VPS9D1: variants seen among roughly 807,000 people sequenced by gnomAD.
VPS9D1 encodes the protein VPS9 domain containing 1.
A neutral mutation model predicts 75.8 loss-of-function variants in VPS9D1; 78 were observed. That is an observed-to-expected ratio of 1.03 (90% CI 0.86 to 1.24). The LOEUF (loss-of-function observed/expected upper bound fraction) is 1.24. VPS9D1 is among the 50% of genes most tolerant of loss of function. VPS9D1 has a pLI of 0.00. For missense variants in VPS9D1, 1,057 were observed against 847.7 expected, an observed-to-expected ratio of 1.25 and a Z score of -3.07; for synonymous variants, 481 against 385.6, an observed-to-expected ratio of 1.25 and a Z score of -2.90.
rs1597902156 is a variant in VPS9D1 at position 89,709,220 on chromosome 16, T to G, written c.1597+7A>C. On this transcript the variant is annotated splice_region_variant and intron_variant, in intron 12 of 14. Coordinates refer to ENST00000389386, the MANE Select transcript of VPS9D1 (RefSeq NM_004913.3). ...TGTCCCTCCCCCTGACTCTCGAACC[T>G]GCTGACCTATGCACTCCAGCTTCTT... 3 of 1,611,938 alleles carry G rather than the reference T, an allele frequency of 1.9e-6. No individual in the cohort carries two copies. The East Asian group carries it at 6.7e-5, about 36-fold the overall frequency.
chr16:89,709,366 G>T lies in VPS9D1; in HGVS notation c.1458C>A (p.Thr486=). ...SMELYRNAPP[T]AIGIPTKLLP... is the part of the protein sequence containing the mutation. ...GGAGCTTGGTGGGGATGCCAATGGC[G>T]GTGGGGGGTGCATTCCTGTAGAGCT... The change falls in exon 12 of 15, where the codon ACC becomes ACA. Residue 486 remains threonine, a synonymous_variant. Transcript: ENST00000389386. 1 of 1,572,984 alleles carries T rather than the reference G, an allele frequency of 6.4e-7. No individual in the cohort carries two copies.
intron 8 of VPS9D1, chr16:89,711,625 C>G (rs2060924813): frequency 3.0e-6 from 2 of 657,382 alleles, no homozygotes; most frequent in Admixed American, 3.0e-5. Context: ...CGCTGGGACC[C>G]TCCCTCCTCG....
rs552192750 is a variant in VPS9D1 at position 89,710,526 on chromosome 16, C to T, written c.1258+60G>A. The T allele has an allele frequency of 1.3e-4, 201 of 1,512,766 alleles. 1 individual carries two copies. In the East Asian group the frequency reaches 4.5e-3, roughly 34 times the overall value. 93.7% of individuals were successfully genotyped at this position (1,512,766 alleles called of 1,614,324 possible). A position where few individuals can be genotyped will look rare whatever the true frequency, so the allele number is the denominator to read the frequency against. ...CCCTTCCCCAAACAGAAGCTTGAAA[C>T]GGACCAATAAGCAGGGGTGAAGAGC... On this transcript the variant is annotated intron_variant, in intron 10 of 14. Coordinates refer to ENST00000389386, the MANE Select transcript of VPS9D1 (RefSeq NM_004913.3).
At position 89,719,164 on chromosome 16, in the gene VPS9D1, CG is replaced by C. The variant is rs768985683; in HGVS notation, c.100-63del. On this transcript the variant is annotated intron_variant, in intron 1 of 14. Transcript: ENST00000389386. ...GTGGAGGGAAGTGACTCCATTATTC[CG>C]GCCAGGTGCCCTTGTGGGATAAGCA... 8 of 1,496,414 alleles carry C rather than the reference CG, an allele frequency of 5.3e-6. No individual in the cohort carries two copies. The South Asian group carries it at 9.0e-5, about 17-fold the overall frequency. The allele number at this position is 1,496,414 out of a possible 1,614,324, so 92.7% of individuals were successfully genotyped here.
At chr16:89,719,805 G>A (rs769659654) in intron 1 of VPS9D1, among the ~76,000 whole-genome samples, 2 of 152,090 alleles carry the variant, frequency 1.3e-5, no homozygotes, top group Admixed American at 6.5e-5. Context: ...TGCAACCTCC[G>A]CCTCCTGGGT....
chr16:89,709,051 ACG>A, intron 12 of VPS9D1, 95 bp from the exon 13 acceptor site: 1 of 765,494 alleles, frequency 1.3e-6, no homozygotes, highest in Non-Finnish European at 1.6e-6. Context: ...CCTGATGTGC[ACG>A]GCTGGGAAGA....
intron 4 of VPS9D1, among the ~76,000 whole-genome samples, chr16:89,715,433 G>A (rs972992870): frequency 2.6e-5 from 4 of 151,658 alleles, no homozygotes; most frequent in African/African-American, 9.7e-5. Context: ...TCACCTTGTT[G>A]GCCAGGATGG....
chr16:89,711,508 A>C, intron 8 of VPS9D1, 96 bp from the exon 9 acceptor site: 1 of 1,252,272 alleles, frequency 8.0e-7, no homozygotes, highest in East Asian at 2.6e-5. Context: ...AGACTGTGGG[A>C]GCCCGTCCTG....
At chr16:89,710,048 G>C in intron 10 of VPS9D1, 142 bp from the exon 11 acceptor site, 2 of 1,210,800 alleles carry the variant, frequency 1.7e-6, no homozygotes, top group Non-Finnish European at 2.2e-6. Flanking sequence ...GACCCTCCTC[G>C]GCCCAGGGCA....
intron 2 of VPS9D1, among the ~76,000 whole-genome samples, chr16:89,718,719 CTTTTT>C (rs374301742): frequency 1.4e-5 from 2 of 145,270 alleles, no homozygotes; most frequent in Non-Finnish European, 3.0e-5. Flanking sequence ...TTTTTCTTTT[CTTTTT>C]TTTTTTTTTG....
chr16:89,709,015 C>T (rs899241838), intron 12 of VPS9D1, 59 bp from the exon 13 acceptor site: 124 of 1,373,942 alleles, frequency 9.0e-5, no homozygotes, highest in Non-Finnish European at 1.1e-4. Context: ...TGAGCCACCC[C>T]TTATACCCCG....
rs182048416 is a variant in VPS9D1 at position 89,708,006 on chromosome 16, C to G, written c.1803-52G>C. On this transcript the variant is annotated intron_variant, in intron 14 of 14. Transcript: ENST00000389386. ...GTCATCTGAACGAACAGAAGGATAC[C>G]CCCGGCCCTCCAGAAGGTAGTGTCT... The G allele has an allele frequency of 9.7e-4, 1,493 of 1,545,862 alleles. 15 individuals carry two copies. The African/African-American group carries it at 0.017, about 18-fold the overall frequency.
intron 1 of VPS9D1, among the ~76,000 whole-genome samples, chr16:89,719,717 G>A (rs2061193552): frequency 6.6e-6 from 1 of 152,070 alleles, no homozygotes; most frequent in African/African-American, 2.4e-5. Flanking sequence ...CCACAGAATG[G>A]TGGTTTGTTT....
In VPS9D1 at chr16:89,711,762, C is replaced by T. The variant is rs1447575421; in HGVS notation, c.747+120G>A. On this transcript the variant is annotated intron_variant, in intron 8 of 14. Transcript: ENST00000389386. ...GCCCTCCCACGGGCCTCTGGCCCCG[C>T]CCCCTCACTGCCCCCCACAGCCTCT... The T allele has an allele frequency of 7.3e-6, 9 of 1,239,318 alleles. No individual in the cohort carries two copies. In the East Asian group the frequency reaches 2.3e-4, roughly 32 times the overall value. 76.8% of individuals were successfully genotyped at this position (1,239,318 alleles called of 1,614,324 possible).
chr16:89,715,759 T>C (rs191717537), intron 4 of VPS9D1, among the ~76,000 whole-genome samples: 1 of 151,988 alleles, frequency 6.6e-6, no homozygotes, highest in Non-Finnish European at 1.5e-5. Context: ...CACTGCAACC[T>C]CCACCTTCCA....
At chr16:89,719,433 G>GAA (rs970745794) in intron 1 of VPS9D1, 8 of 477,052 alleles carry the variant, frequency 1.7e-5, no homozygotes, top group Non-Finnish European at 3.3e-5. Context: ...TGGGCCTGGG[G>GAA]AAGTGACCTC....
rs771655127 is a variant in VPS9D1 at position 89,709,401 on chromosome 16, T to C, written c.1423A>G (p.Arg475Gly). ...VHRAREAALS[R>G]SMELYRNAPP... Reference sequence around the variant, plus strand: ...GCATTCCTGTAGAGCTCCATGCTCCTGCTCAGGGCAGCCTCCCGGGCTCGG... The same window carrying C: ...GCATTCCTGTAGAGCTCCATGCTCCCGCTCAGGGCAGCCTCCCGGGCTCGG... Residue 475 changes from arginine (R) to glycine (G), a missense_variant, in exon 12 of 15, where the codon AGG becomes GGG. Coordinates refer to ENST00000389386, the MANE Select transcript of VPS9D1 (RefSeq NM_004913.3). The C allele has an allele frequency of 2.0e-6, 3 of 1,529,142 alleles. No individual in the cohort carries two copies. The allele number at this position is 1,529,142 out of a possible 1,614,324, so 94.7% of individuals were successfully genotyped here.
rs759435330 is a variant in VPS9D1 at position 89,708,440 on chromosome 16, A to C, written c.1789T>G (p.Phe597Val). 2.5e-6 allele frequency: 4 copies of C among 1,611,808 alleles called. No homozygotes were observed. In the South Asian group the frequency reaches 4.4e-5, roughly 18 times the overall value. ...LVSECAALEE[F>V]IHEGYLIGEE... ...GCCAGGGTCTACCCCTCGTGGATGA[A>C]CTCCTCCAGGGCCGCGCACTCCGAC... Residue 597 changes from phenylalanine to valine, a missense_variant, in exon 14 of 15, where the codon TTC becomes GTC. By Grantham distance (50) the Phe-to-Val change is conservative (BLOSUM62 -1). Transcript: ENST00000389386.
chr16:89,708,961 G>GC lies in VPS9D1; in HGVS notation c.1598-6dup. 1 of 1,592,966 alleles carries GC rather than the reference G, an allele frequency of 6.3e-7. No homozygotes were observed. Among genetic ancestry groups the GC allele is most frequent in the South Asian group, 1.1e-5 (1 of 88,024 alleles). On this transcript the variant is annotated splice_polypyrimidine_tract_variant and splice_region_variant and intron_variant, in intron 12 of 14. Coordinates refer to ENST00000389386, the MANE Select transcript of VPS9D1 (RefSeq NM_004913.3). ...AGATGATCCGCAGGGTCCGCACTGC[G>GC]CCCCAGACAGGGTTTCAGGGGCAGT...
Sources: gnomAD v4.1 joint callset for allele counts (sites outside exome capture counted in the v4.1 genomes callset) on GRCh38, gnomAD v4.1.1 for gene constraint, MANE v1.5 for transcripts, NCBI Gene and HGNC (gene_info 2026-07-23, HGNC 2026-07-21) for gene names.